DLL3: variants seen among roughly 807,000 people sequenced by gnomAD.
The protein encoded by DLL3 is delta like canonical Notch ligand 3.
DLL3 carries 49 observed loss-of-function variants against 55.0 expected under a neutral mutation model. The observed-to-expected ratio is 0.89, with a 90% CI of 0.71 to 1.13. The LOEUF (loss-of-function observed/expected upper bound fraction) is 1.13, where lower values mean the gene tolerates loss of function less well. DLL3 is among the 50% of genes most tolerant of loss of function. The pLI is 0.00. For synonymous variants in DLL3, 421 were observed against 385.2 expected, an observed-to-expected ratio of 1.09 and a Z score of -1.09; for missense variants, 962 against 875.5, an observed-to-expected ratio of 1.10 and a Z score of -1.25.
At chr19:39,504,372 C>A in intron 5 of DLL3, 84 bp downstream of exon 5, 1 of 1,455,788 alleles carries the variant, frequency 6.9e-7, no homozygotes, top group Non-Finnish European at 9.5e-7. Context: ...CATGAGACAC[C>A]AGCCTGGGGA....
chr19:39,505,577 G>A, intron 6 of DLL3, 126 bp downstream of exon 6: 1 of 963,500 alleles, frequency 1.0e-6, no homozygotes, highest in South Asian at 1.6e-5. Flanking sequence ...CCTTCCACCT[G>A]CAAGCCTGTA....
chr19:39,504,000 G>T, intron 4 of DLL3, 71 bp from the exon 5 acceptor site: 1 of 1,497,848 alleles, frequency 6.7e-7, no homozygotes, highest in Non-Finnish European at 9.2e-7. Flanking sequence ...AAACCTCCCT[G>T]CTTTCCATCT....
chr19:39,501,166 C>CT lies in DLL3; in HGVS notation c.409+502dup, dbSNP rs35788663. Among the ~76,000 whole-genome samples, 28 of 151,922 alleles carry CT rather than the reference C, an allele frequency of 1.8e-4. No individual in the cohort carries two copies. In the East Asian group the frequency reaches 2.7e-3, roughly 15 times the overall value. On this transcript the variant is annotated intron_variant, in intron 3 of 8. Coordinates refer to ENST00000356433, the MANE Select transcript of DLL3 (RefSeq NM_203486.3). ...AGGCACCCACCACCACACCTGGCTA[C>CT]TTTTTTTTGTATTTTTAGTAGAGAC...
chr19:39,504,072 G>T lies in DLL3; in HGVS notation c.654G>T (p.Leu218=), dbSNP rs140489087. Residue 218 remains leucine (L), a splice_region_variant and synonymous_variant, in exon 5 of 9, where the codon CTG becomes CTT. Transcript: ENST00000356433. ...APLEDECEAP[L]VCRAGCSPEH... is the part of the protein sequence containing the mutation. The stretch of plus-strand genomic sequence containing the variant: ...TCTCTGCCTCTCTGTCCCCCATAGT[G>T]GTGTGCCGAGCAGGCTGCAGCCCTG... 1.2e-4 allele frequency: 189 copies of T among 1,612,990 alleles called. No individual in the cohort carries two copies. Among genetic ancestry groups the T allele is most frequent in the Middle Eastern group, 9.9e-4 (6 of 6,084 alleles).
intron 7 of DLL3, 86 bp from the exon 8 acceptor site, chr19:39,507,744 T>C: frequency 6.2e-7 from 1 of 1,608,276 alleles, no homozygotes; most frequent in Non-Finnish European, 8.5e-7. Context: ...GTAGCTGGTT[T>C]TGGGTTCCCC....
Position 39,507,233 on chromosome 19 carries a change from G to C in DLL3, c.1288G>C (p.Ala430Pro), listed in dbSNP as rs1440337214. Residue 430 changes from alanine to proline, a missense_variant, in exon 7 of 9, where the codon GCG (alanine) becomes CCG (proline). Physicochemically the swap from Ala to Pro is conservative, Grantham distance 27. Transcript: ENST00000356433. ...CGGCGGCCGCGACTGCCGCGAGCGC[G>C]CGGACCCGTGCGCCGCGCGCCCCTG... ...GFGGRDCRER[A>P]DPCAARPCAH... The C allele has an allele frequency of 6.9e-7, 1 of 1,459,484 alleles. No individual in the cohort carries two copies. Among genetic ancestry groups the C allele is most frequent in the East Asian group, 2.9e-5 (1 of 34,088 alleles). The allele number at this position is 1,459,484 out of a possible 1,614,324, so 90.4% of individuals were successfully genotyped here. A position where few individuals can be genotyped will look rare whatever the true frequency, so the allele number is the denominator to read the frequency against.
chr19:39,501,619 C>T (rs1055508030), intron 3 of DLL3, among the ~76,000 whole-genome samples: 5 of 152,138 alleles, frequency 3.3e-5, no homozygotes, highest in Admixed American at 6.5e-5. Flanking sequence ...ACTTCTTCAC[C>T]GTTCTGATGT....
chr19:39,501,951 C>T (rs554766455), intron 3 of DLL3, among the ~76,000 whole-genome samples: 11 of 151,946 alleles, frequency 7.2e-5, no homozygotes, highest in Middle Eastern at 3.2e-3. Flanking sequence ...TTTGGGAGGC[C>T]GAGGCGGGCG....
chr19:39,504,552 T>A (rs1342626252), intron 5 of DLL3, among the ~76,000 whole-genome samples: 1 of 152,146 alleles, frequency 6.6e-6, no homozygotes, highest in Non-Finnish European at 1.5e-5. Flanking sequence ...GGGCCACAGC[T>A]GCCCCTACTG....
At chr19:39,500,510 C>G in intron 2 of DLL3, 105 bp from the exon 3 acceptor site, 4 of 1,055,794 alleles carry the variant, frequency 3.8e-6, no homozygotes, top group Non-Finnish European at 5.9e-6. Flanking sequence ...TGCTCAGTCC[C>G]CAGCAATGGC....
At position 39,499,257 on chromosome 19, in the gene DLL3, C is replaced by A; in HGVS notation, c.135C>A (p.Ala45=). ...TCGGGCCGGGTCCAGGCCCTGGGGC[C>A]CCGCGGTCCCCCTGCAGCGCCCGGC... ...HSFGPGPGPG[A]PRSPCSARLP... Residue 45 remains alanine, a synonymous_variant, in exon 2 of 9, where the codon GCC becomes GCA. Transcript: ENST00000356433. The A allele has an allele frequency of 6.5e-7, 1 of 1,543,466 alleles. No individual in the cohort carries two copies. The highest frequency in any genetic ancestry group is 8.7e-7 in the Non-Finnish European group (1 of 1,149,108).
At position 39,504,206 on chromosome 19, in the gene DLL3, C is replaced by T. The variant is rs772500636; in HGVS notation, c.788C>T (p.Pro263Leu). The T allele has an allele frequency of 8.1e-6, 13 of 1,612,560 alleles. No individual in the cohort carries two copies. The highest frequency in any genetic ancestry group is 6.7e-5 in the Admixed American group (4 of 60,008). Residue 263 changes from proline (P) to leucine (L), a missense_variant, in exon 5 of 9, where the codon CCG becomes CTG. Pro to Leu is a moderately conservative substitution (Grantham distance 98). Transcript: ENST00000356433. Reference sequence around the variant, plus strand: ...AGCAGCTGCCTCAGCCCCAGGGGCCCGTCCTCTGCTACCACCGGATGCCTT... The same window carrying T: ...AGCAGCTGCCTCAGCCCCAGGGGCCTGTCCTCTGCTACCACCGGATGCCTT... ...STSSCLSPRG[P>L]SSATTGCLVP...
chr19:39,499,542 C>T, intron 2 of DLL3, 69 bp downstream of exon 2: 4 of 1,533,330 alleles, frequency 2.6e-6, no homozygotes, highest in Non-Finnish European at 3.5e-6. Context: ...TCCACCTCCT[C>T]TCCCCTCCAG....
Position 39,507,908 on chromosome 19 carries a change from T to C in DLL3, c.1752T>C (p.Ala584=), listed in dbSNP as rs750763232. 5 of 1,614,120 alleles carry C rather than the reference T, an allele frequency of 3.1e-6. No individual in the cohort carries two copies. In the South Asian group the frequency reaches 5.5e-5, roughly 18 times the overall value. ...TCATATCTGCTCCTTCCATCTACGC[T>C]CGGGAGGTAGCGACGCCCCTTTTCC... The part of the protein sequence containing the change: ...IYVISAPSIY[A]REA Residue 584 remains alanine, a synonymous_variant, in exon 8 of 9, where the codon GCT becomes GCC. Coordinates refer to ENST00000356433, the MANE Select transcript of DLL3 (RefSeq NM_203486.3).
rs2079653764 is a variant in DLL3 at position 39,507,849 on chromosome 19, C to T, written c.1693C>T (p.Arg565Cys). The change falls in exon 8 of 9, where the codon CGC (arginine) becomes TGC (cysteine). Residue 565 changes from arginine to cysteine, a missense_variant. By Grantham distance (180) the Arg-to-Cys change is radical. Transcript: ENST00000356433. Reference sequence around the variant, plus strand: ...CCACAGCTCGTCCGTAGATTGGAATCGCCCTGAAGATGTAGACCCTCAAGG... The same window carrying T: ...CCACAGCTCGTCCGTAGATTGGAATTGCCCTGAAGATGTAGACCCTCAAGG... ...DGPSSSVDWN[R>C]PEDVDPQGIY... is the part of the protein sequence containing the mutation. 4 of 1,614,104 alleles carry T rather than the reference C, an allele frequency of 2.5e-6. No homozygotes were observed. In the East Asian group the frequency reaches 8.9e-5, roughly 36 times the overall value.
At position 39,507,931 on chromosome 19, in the gene DLL3, T is replaced by C. The variant is rs1201935907; in HGVS notation, c.1758+17T>C. Reference sequence around the variant, plus strand: ...GCTCGGGAGGTAGCGACGCCCCTTTTCCCCCCGCTACACACTGGGCGCGCT... The same window carrying C: ...GCTCGGGAGGTAGCGACGCCCCTTTCCCCCCCGCTACACACTGGGCGCGCT... On this transcript the variant is annotated intron_variant, in intron 8 of 8. Transcript: ENST00000356433. 5.2e-5 allele frequency: 84 copies of C among 1,613,870 alleles called. No individual in the cohort carries two copies. The highest frequency in any genetic ancestry group is 4.7e-4 in the East Asian group (21 of 44,856).
Position 39,507,890 on chromosome 19 carries a change from T to G in DLL3, c.1734T>G (p.Ser578=). Residue 578 remains serine (S), a synonymous_variant, in exon 8 of 9, where the codon TCT becomes TCG. Coordinates refer to ENST00000356433, the MANE Select transcript of DLL3 (RefSeq NM_203486.3). The part of the protein sequence containing the change: ...DVDPQGIYVI[S]APSIYAREA The stretch of plus-strand genomic sequence containing the variant: ...ACCCTCAAGGGATTTATGTCATATC[T>G]GCTCCTTCCATCTACGCTCGGGAGG... 6.2e-7 allele frequency: 1 copy of G among 1,614,174 alleles called. No homozygotes were observed. The highest frequency in any genetic ancestry group is 1.6e-4 in the Middle Eastern group (1 of 6,062).
intron 4 of DLL3, among the ~76,000 whole-genome samples, chr19:39,503,593 A>C (rs1363172691): frequency 6.6e-6 from 1 of 152,062 alleles, no homozygotes; most frequent in African/African-American, 2.4e-5. Flanking sequence ...TAAAGCTTGG[A>C]ATTCTTCAGA....
intron 5 of DLL3, among the ~76,000 whole-genome samples, chr19:39,504,781 G>A (rs1033502636): frequency 7.2e-5 from 11 of 152,108 alleles, no homozygotes; most frequent in African/African-American, 2.4e-4. Flanking sequence ...CTGGCATGGA[G>A]TGCTGGGATA....
Sources: gnomAD v4.1 joint callset for allele counts (sites outside exome capture counted in the v4.1 genomes callset) on GRCh38, gnomAD v4.1.1 for gene constraint, MANE v1.5 for transcripts, NCBI Gene and HGNC (gene_info 2026-07-23, HGNC 2026-07-21) for gene names.